The following PDXDC1 variants were observed in gnomAD, a reference collection of about 807,000 sequenced individuals.
PDXDC1 encodes pyridoxal-dependent decarboxylase domain-containing protein 1.
PDXDC1 carries 42 observed loss-of-function variants against 100.1 expected under a neutral mutation model. The observed-to-expected ratio is 0.42, with a 90% CI of 0.33 to 0.54. The LOEUF (loss-of-function observed/expected upper bound fraction) is 0.54, where lower values mean the gene tolerates loss of function less well. Among genes scored for constraint, PDXDC1 ranks in the 20% least tolerant of loss-of-function variants. The pLI, the probability that PDXDC1 is intolerant of heterozygous loss-of-function variation, is 0.10. For synonymous variants in PDXDC1, 260 were observed against 371.7 expected (o/e 0.70, Z 3.46); for missense variants, 636 against 979.2 (o/e 0.65, Z 4.68).
Position 15,084,739 on chromosome 16 carries a change from A to G in PDXDC1, c.1400-54140A>G, listed in dbSNP as rs527843283. ...AGAAAAGTTCAGAGTATGAGCATCA[A>G]AACAAAACTGAAGGGCGACACGCTT... On this transcript the variant is annotated intron_variant, in intron 16 of 16. Transcript: ENST00000535621. The G allele has an allele frequency of 4.0e-6, 6 of 1,506,222 alleles. No homozygotes were observed. The South Asian group carries it at 5.6e-5, about 14-fold the overall frequency. The allele number at this position is 1,506,222 out of a possible 1,614,324, so 93.3% of individuals were successfully genotyped here. A position where few individuals can be genotyped will look rare whatever the true frequency, so the allele number is the denominator to read the frequency against.
At chr16:15,140,954 C>T (rs2048464005), downstream of PDXDC1, among the ~76,000 whole-genome samples, 1 of 152,260 alleles carries the variant, frequency 6.6e-6, no homozygotes, top group African/African-American at 2.4e-5. Flanking sequence ...CAGCAGGTGC[C>T]TCTGCCTAGA....
intron 18 of PDXDC1, 100 bp downstream of exon 18, chr16:15,033,079 G>A (rs898484516): frequency 1.1e-5 from 11 of 988,366 alleles, no homozygotes; most frequent in African/African-American, 1.6e-5. Flanking sequence ...AGCGCCTCTC[G>A]GGCTGGGTTC....
chr16:15,148,151 T>C, the PDXDC1 span, among the ~76,000 whole-genome samples: 1 of 151,060 alleles, frequency 6.6e-6, no homozygotes, highest in Non-Finnish European at 1.5e-5. Context: ...CTAATATCTA[T>C]TTATTGGTCT....
At chr16:15,066,059 A>T (rs986086684) in intron 16 of PDXDC1, among the ~76,000 whole-genome samples, 1 of 152,222 alleles carries the variant, frequency 6.6e-6, no homozygotes, top group Non-Finnish European at 1.5e-5. Flanking sequence ...CAAGATGAGG[A>T]CTCAGATCTC....
intron 16 of PDXDC1, among the ~76,000 whole-genome samples, chr16:15,056,330 G>C (rs2044520926): frequency 6.6e-6 from 1 of 152,234 alleles, no homozygotes; most frequent in Non-Finnish European, 1.5e-5. Flanking sequence ...CACCAGCCAA[G>C]AGAGCCTCCG....
At chr16:15,044,295 A>G in intron 16 of PDXDC1, 1 of 1,407,584 alleles carries the variant, frequency 7.1e-7, no homozygotes, top group Non-Finnish European at 1.0e-6. Flanking sequence ...GTACATATTT[A>G]TGTCCAATTT....
In PDXDC1 at chr16:15,104,480, G is replaced by A. The variant is rs1232454132; in HGVS notation, c.1400-34399G>A. On this transcript the variant is annotated intron_variant, in intron 16 of 16. Transcript: ENST00000535621. ...GGGAGTGAGCAGACACACTCGGGAG[G>A]TGTCTTGAGATTATCATCCGCTGAG... The A allele has an allele frequency of 6.0e-6, 6 of 1,002,094 alleles. 1 individual carries two copies. The South Asian group carries it at 1.0e-4, about 17-fold the overall frequency. 62.1% of individuals were successfully genotyped at this position (1,002,094 alleles called of 1,614,324 possible). A position where few individuals can be genotyped will look rare whatever the true frequency, so the allele number is the denominator to read the frequency against.
intron 16 of PDXDC1, among the ~76,000 whole-genome samples, chr16:15,100,355 T>C (rs2046496814): frequency 6.6e-6 from 1 of 152,238 alleles, no homozygotes; most frequent in Non-Finnish European, 1.5e-5. Flanking sequence ...ATATCTTTAG[T>C]TATATACATG....
At chr16:14,978,660 G>T (rs1967254802) in intron 1 of PDXDC1, among the ~76,000 whole-genome samples, 2 of 152,300 alleles carry the variant, frequency 1.3e-5, no homozygotes, top group Non-Finnish European at 2.9e-5. Context: ...CTCCCAAAGT[G>T]CTGGGATTAT....
At chr16:15,130,473 G>A in intron 16 of PDXDC1, 1 of 1,395,242 alleles carries the variant, frequency 7.2e-7, no homozygotes. Flanking sequence ...GGAAGGGGCA[G>A]TGGACGTGAG....
chr16:15,095,553 A>T (rs1214310043), intron 16 of PDXDC1, among the ~76,000 whole-genome samples: 2 of 152,144 alleles, frequency 1.3e-5, no homozygotes, highest in African/African-American at 2.4e-5. Flanking sequence ...ATAAGTTTTT[A>T]AAAATGCATA....
the PDXDC1 span, among the ~76,000 whole-genome samples, chr16:15,149,707 G>A: frequency 2.0e-5 from 3 of 152,286 alleles, no homozygotes; most frequent in East Asian, 3.9e-4. Context: ...GTCCCTCGAT[G>A]TGCCCAGTCC....
intron 16 of PDXDC1, among the ~76,000 whole-genome samples, chr16:15,050,510 A>G (rs750862613): frequency 6.6e-6 from 1 of 152,132 alleles, no homozygotes; most frequent in Non-Finnish European, 1.5e-5. Context: ...AGGAGGGAGG[A>G]CTGCTTGAGC....
chr16:14,977,269 CTTTTTTT>C lies in PDXDC1; in HGVS notation c.21+2071_21+2077del, dbSNP rs5816116. Among the ~76,000 whole-genome samples, 730 of 95,082 alleles carry C rather than the reference CTTTTTTT, an allele frequency of 7.7e-3. 3 individuals are homozygous for C. The highest frequency in any genetic ancestry group is 0.01 in the Non-Finnish European group (522 of 51,548). 62.4% of individuals were successfully genotyped at this position (95,082 alleles called of 152,430 possible). A position where few individuals can be genotyped will look rare whatever the true frequency, so the allele number is the denominator to read the frequency against. On this transcript the variant is annotated intron_variant, in intron 1 of 22. Coordinates refer to ENST00000396410, the MANE Select transcript of PDXDC1 (RefSeq NM_015027.4). ...AAGTTTTTCAGAACTATGGGACTTACTTTTTTTTTTTTTTTTTTTTTTTTTTTTGAGA... is the reference window on the plus strand; with the variant it reads ...AAGTTTTTCAGAACTATGGGACTTACTTTTTTTTTTTTTTTTTTTTTGAGA...
At chr16:15,131,446 AT>A in intron 16 of PDXDC1, 22 of 1,608,412 alleles carry the variant, frequency 1.4e-5, no homozygotes, top group Non-Finnish European at 1.8e-5. Flanking sequence ...AGCCTAGGGG[AT>A]GGAGAAGTGG....
chr16:15,104,374 A>T, intron 16 of PDXDC1: 1 of 1,596,256 alleles, frequency 6.3e-7, no homozygotes, highest in Non-Finnish European at 8.5e-7. Flanking sequence ...TCATCCACTG[A>T]GGGTGGAAGG....
chr16:15,004,703 G>A (rs1973893441), intron 5 of PDXDC1, among the ~76,000 whole-genome samples: 1 of 152,210 alleles, frequency 6.6e-6, no homozygotes, highest in Non-Finnish European at 1.5e-5. Flanking sequence ...GTCCTTGGGG[G>A]ATTGGTTCTT....
chr16:15,032,669 A>T, intron 17 of PDXDC1, 192 bp from the exon 18 acceptor site: 1 of 448,480 alleles, frequency 2.2e-6, no homozygotes. Flanking sequence ...AAAAAAAAAA[A>T]GGCTTTCCTG....
intron 16 of PDXDC1, chr16:15,125,287 C>T (rs2376636): frequency 1.9e-4 from 118 of 636,692 alleles, no homozygotes; most frequent in Admixed American, 4.4e-4. Context: ...CAGGTCCGGC[C>T]AACTGGGCGT....
Sources: allele counts gnomAD v4.1 joint callset (sites outside exome capture counted in the v4.1 genomes callset), GRCh38; gene constraint gnomAD v4.1.1; transcripts MANE v1.5; gene names NCBI Gene and HGNC (gene_info 2026-07-23, HGNC 2026-07-21).